Variants in ARHGEF28 observed in about 807,000 individuals in gnomAD.
ARHGEF28 encodes the protein 190 kDa guanine nucleotide exchange factor.
ARHGEF28 carries 152 observed loss-of-function variants against 206.6 expected under a neutral mutation model. The ratio of observed to expected loss-of-function variants is 0.74; its 90% CI spans 0.64 to 0.84. ARHGEF28 has a LOEUF of 0.84. Among genes scored for constraint, ARHGEF28 ranks in the 40% least tolerant of loss-of-function variants. The pLI is 0.00. For missense variants in ARHGEF28, 2,028 were observed against 2,073.2 expected (o/e 0.98, Z 0.42); for synonymous variants, 763 against 776.4 (o/e 0.98, Z 0.29).
chr5:73,893,338 T>C (rs1213543125), intron 28 of ARHGEF28, 50 bp downstream of exon 28: 2 of 1,440,306 alleles, frequency 1.4e-6, no homozygotes, highest in Non-Finnish European at 1.9e-6. Flanking sequence ...CTCCTGGGTG[T>C]TGGGAAAGCC....
At chr5:73,738,304 G>A (rs192151338) in intron 2 of ARHGEF28, among the ~76,000 whole-genome samples, 2 of 152,268 alleles carry the variant, frequency 1.3e-5, no homozygotes, top group Middle Eastern at 3.4e-3. Context: ...CTAGATCAAG[G>A]TTATGGGTCT....
chr5:73,687,489 C>A (rs1001240974), intron 2 of ARHGEF28, among the ~76,000 whole-genome samples: 1 of 151,960 alleles, frequency 6.6e-6, no homozygotes. Context: ...AGCCACTTGG[C>A]CTCATCCAGC....
At chr5:73,782,662 C>G (rs545460436) in intron 7 of ARHGEF28, among the ~76,000 whole-genome samples, 2 of 152,142 alleles carry the variant, frequency 1.3e-5, no homozygotes, top group African/African-American at 4.8e-5. Context: ...GCTGTGTTGA[C>G]GGAGCCACTC....
chr5:73,817,950 G>T (rs193086841), intron 9 of ARHGEF28, among the ~76,000 whole-genome samples: 143 of 152,252 alleles, frequency 9.4e-4, no homozygotes, highest in African/African-American at 3.0e-3. Flanking sequence ...GGAGCAAGAT[G>T]GTAGGGTTGT....
chr5:73,639,246 A>T (rs375160614), intron 1 of ARHGEF28, among the ~76,000 whole-genome samples: 1 of 130,772 alleles, frequency 7.6e-6, no homozygotes, highest in Non-Finnish European at 1.6e-5. Flanking sequence ...TATATATATA[A>T]TATATATACA....
chr5:73,808,180 C>T (rs1376346657), intron 9 of ARHGEF28, among the ~76,000 whole-genome samples: 3 of 152,084 alleles, frequency 2.0e-5, no homozygotes, highest in Admixed American at 2.0e-4. Flanking sequence ...AGTGGTTGTA[C>T]CATGCTCCCG....
intron 1 of ARHGEF28, among the ~76,000 whole-genome samples, chr5:73,657,241 T>C (rs1191309270): frequency 6.6e-6 from 1 of 152,076 alleles, no homozygotes; most frequent in Admixed American, 6.6e-5. Context: ...TTAGCATCTC[T>C]TTCCCATTTT....
intron 4 of ARHGEF28, among the ~76,000 whole-genome samples, chr5:73,755,849 C>T (rs1286422506): frequency 6.6e-6 from 1 of 152,152 alleles, no homozygotes; most frequent in East Asian, 1.9e-4. Flanking sequence ...CTGTCATGGC[C>T]TTTGATTTAT....
intron 11 of ARHGEF28, among the ~76,000 whole-genome samples, chr5:73,845,605 C>T (rs993376145): frequency 6.6e-6 from 1 of 152,142 alleles, no homozygotes; most frequent in African/African-American, 2.4e-5. Context: ...TGATGGGTTA[C>T]CATTTGGGAC....
chr5:73,860,007 G>A (rs954588267), intron 16 of ARHGEF28, among the ~76,000 whole-genome samples: 3 of 152,210 alleles, frequency 2.0e-5, no homozygotes, highest in Non-Finnish European at 2.9e-5. Flanking sequence ...TCAAGTCTGA[G>A]TCTTTCCTCA....
intron 6 of ARHGEF28, among the ~76,000 whole-genome samples, chr5:73,779,989 A>G (rs534947939): frequency 6.8e-4 from 103 of 152,308 alleles, no homozygotes; most frequent in Non-Finnish European, 1.2e-3. Flanking sequence ...CTGCCCAAGT[A>G]TACTGATGAT....
At chr5:73,788,684 AG>A (rs1754298083) in intron 7 of ARHGEF28, among the ~76,000 whole-genome samples, 1 of 152,194 alleles carries the variant, frequency 6.6e-6, no homozygotes, top group Admixed American at 6.5e-5. Flanking sequence ...GGATTAGGAA[AG>A]GGTGGTTTGT....
At chr5:73,629,220 G>T (rs559624124) in intron 1 of ARHGEF28, among the ~76,000 whole-genome samples, 1 of 152,172 alleles carries the variant, frequency 6.6e-6, no homozygotes, top group Admixed American at 6.5e-5. Context: ...TGGCCAGGGT[G>T]GGGGTGGTGG....
At chr5:73,923,583 G>T (rs1376211623) in intron 35 of ARHGEF28, among the ~76,000 whole-genome samples, 1 of 152,140 alleles carries the variant, frequency 6.6e-6, no homozygotes, top group Non-Finnish European at 1.5e-5. Context: ...GAATATATTT[G>T]TCAGGTTCAA....
At chr5:73,792,588 T>C (rs942023162) in intron 7 of ARHGEF28, among the ~76,000 whole-genome samples, 1 of 151,902 alleles carries the variant, frequency 6.6e-6, no homozygotes, top group Non-Finnish European at 1.5e-5. Flanking sequence ...GTGTGACTCT[T>C]GATGTCTGTG....
chr5:73,768,924 A>T (rs1030385576), intron 4 of ARHGEF28, among the ~76,000 whole-genome samples: 1 of 151,958 alleles, frequency 6.6e-6, no homozygotes, highest in Non-Finnish European at 1.5e-5. Flanking sequence ...CACTGTTCTC[A>T]TGATAGTGAA....
chr5:73,901,495 C>A, intron 31 of ARHGEF28: 1 of 387,566 alleles, frequency 2.6e-6, no homozygotes, highest in South Asian at 2.9e-5. Flanking sequence ...AACAAAGCAA[C>A]GATTGAAAAG....
In ARHGEF28 at chr5:73,679,901, A is replaced by G. The variant is rs548345592; in HGVS notation, c.-11-4940A>G. 9.2e-5 allele frequency among the ~76,000 whole-genome samples: 14 copies of G among 152,312 alleles called. No homozygotes were observed. The South Asian group carries it at 2.9e-3, about 32-fold the overall frequency. On this transcript the variant is annotated intron_variant, in intron 1 of 35. Transcript: ENST00000513042. Reference sequence around the variant, plus strand: ...GGTTACTTCGCATCTCATTACATAAATTGCAAAGATTTGACCACATTGGAG... The same window carrying G: ...GGTTACTTCGCATCTCATTACATAAGTTGCAAAGATTTGACCACATTGGAG...
At chr5:73,885,121 G>C (rs1349152877) in intron 24 of ARHGEF28, among the ~76,000 whole-genome samples, 2 of 152,112 alleles carry the variant, frequency 1.3e-5, no homozygotes, top group Non-Finnish European at 2.9e-5. Flanking sequence ...ATTTTATGGA[G>C]GAAGGGATCA....
Sources: allele counts gnomAD v4.1 joint callset (sites outside exome capture counted in the v4.1 genomes callset), GRCh38; gene constraint gnomAD v4.1.1; transcripts MANE v1.5; gene names NCBI Gene and HGNC (gene_info 2026-07-23, HGNC 2026-07-21).